The following MYO1B variants were observed in gnomAD, a reference collection of about 807,000 sequenced individuals.
MYO1B encodes the protein unconventional myosin-Ib.
Under a neutral mutation model 159.7 loss-of-function variants are expected in MYO1B, and 72 were observed. That is an observed-to-expected ratio of 0.45 (90% confidence interval 0.37 to 0.55). The LOEUF is 0.55. Among genes scored for constraint, MYO1B ranks in the 20% least tolerant of loss-of-function variants. The pLI is 0.00. For synonymous variants in MYO1B, 468 were observed against 473.8 expected, an observed-to-expected ratio of 0.99 and a Z score of 0.16; for missense variants, 1,062 against 1,364.8, an observed-to-expected ratio of 0.78 and a Z score of 3.50.
rs764822931 is a variant in MYO1B, at chr2:191,387,275, C to A, written c.1606C>A (p.Arg536=). 6.2e-7 allele frequency: 1 copy of A among 1,614,152 alleles called. No homozygotes were observed. The highest frequency in any genetic ancestry group is 8.5e-7 in the Non-Finnish European group (1 of 1,180,030). ...FVDKNNDLLY[R]DLSQAMWKAS... is the part of the protein sequence containing the mutation. ...TGACAAAAACAATGACCTTCTCTATCGAGACCTGTCCCAAGCCATGTGGAA... is the reference window on the plus strand; with the variant it reads ...TGACAAAAACAATGACCTTCTCTATAGAGACCTGTCCCAAGCCATGTGGAA... Residue 536 remains arginine, a synonymous_variant, in exon 17 of 31, where the codon CGA becomes AGA. Transcript: ENST00000392318.
chr2:191,362,306 T>C lies in MYO1B; in HGVS notation c.700T>C (p.Tyr234His). 1 of 1,613,886 alleles carries C rather than the reference T, an allele frequency of 6.2e-7. No homozygotes were observed. The highest frequency in any genetic ancestry group is 8.5e-7 in the Non-Finnish European group (1 of 1,179,806). The stretch of plus-strand genomic sequence containing the variant: ...TGAGAGGGATTTCAGCAGGTATAAC[T>C]ACCTGAGTCTGGATTCGGCCAAAGT... The part of the protein sequence containing the change: ...KLERDFSRYN[Y>H]LSLDSAKVNG... The change falls in exon 9 of 31, where the codon TAC (tyrosine) becomes CAC (histidine). Residue 234 changes from tyrosine to histidine, a missense_variant. By Grantham distance (83) the Tyr-to-His change is moderately conservative. This residue lies in a region of MYO1B where 415 missense variants were observed against 544.0 expected (regional missense o/e 0.76). Transcript: ENST00000392318.
intron 3 of MYO1B, among the ~76,000 whole-genome samples, chr2:191,308,828 A>G (rs913302669): frequency 3.3e-5 from 5 of 152,160 alleles, no homozygotes; most frequent in African/African-American, 1.2e-4. Context: ...TTTATCAGCA[A>G]CATTTGACAA....
At chr2:191,369,832 G>A (rs1694247609) in intron 12 of MYO1B, among the ~76,000 whole-genome samples, 1 of 152,152 alleles carries the variant, frequency 6.6e-6, no homozygotes, top group Admixed American at 6.5e-5. Context: ...GCTTCTGACT[G>A]GTGAATAGTC....
rs895577698 is a variant in MYO1B at position 191,425,004 on chromosome 2, G to T, written c.*1044G>T. The stretch of plus-strand genomic sequence containing the variant: ...ATTTTAGTCATGGATCAAAATTTGT[G>T]TAACTTGCAGGGCTTTCTTTCTTTT... On this transcript the variant is annotated 3_prime_UTR_variant, in exon 31 of 31. Transcript: ENST00000392318. The T allele has an allele frequency of 6.6e-6, 1 of 152,494 alleles. No homozygotes were observed. Among genetic ancestry groups the T allele is most frequent in the African/African-American group, 2.4e-5 (1 of 41,410 alleles). The allele number at this position is 152,494 out of a possible 1,614,324, so 9.4% of individuals were successfully genotyped here.
intron 20 of MYO1B, 150 bp from the exon 21 acceptor site, chr2:191,396,279 T>C: frequency 1.5e-6 from 1 of 674,668 alleles, no homozygotes; most frequent in Non-Finnish European, 2.6e-6. Flanking sequence ...TTGGATTGTT[T>C]GATATTTTGG....
chr2:191,307,410 C>T (rs770756541), intron 3 of MYO1B, among the ~76,000 whole-genome samples: 3 of 152,134 alleles, frequency 2.0e-5, no homozygotes, highest in Non-Finnish European at 4.4e-5. Flanking sequence ...TGTGTTTTAG[C>T]CAGCTTCTTT....
At chr2:191,335,631 A>C (rs1432597940) in intron 4 of MYO1B, among the ~76,000 whole-genome samples, 1 of 152,206 alleles carries the variant, frequency 6.6e-6, no homozygotes, top group African/African-American at 2.4e-5. Context: ...GATTTAGTAA[A>C]TAAATGAAAG....
At position 191,418,578 on chromosome 2, in the gene MYO1B, C is replaced by T. The variant is rs182948412; in HGVS notation, c.3287+2336C>T. ...GATCTTGGCTCACCGCAACCTCCGC[C>T]TCCCGGGTTCAAGGGATTATTCTGC... On this transcript the variant is annotated intron_variant, in intron 30 of 30. Coordinates refer to ENST00000392318, the MANE Select transcript of MYO1B (RefSeq NM_001130158.3). Among the ~76,000 whole-genome samples, 25 of 150,438 alleles carry T rather than the reference C, an allele frequency of 1.7e-4. No homozygotes were observed. In the East Asian group the frequency reaches 4.9e-3, roughly 30 times the overall value.
chr2:191,351,820 G>T (rs1227945288), intron 7 of MYO1B, among the ~76,000 whole-genome samples: 1 of 152,180 alleles, frequency 6.6e-6, no homozygotes, highest in Non-Finnish European at 1.5e-5. Context: ...GGGAGCTGGA[G>T]GTTACAGTGA....
chr2:191,382,728 C>G (rs182106481), intron 14 of MYO1B, among the ~76,000 whole-genome samples: 1 of 152,262 alleles, frequency 6.6e-6, no homozygotes, highest in Non-Finnish European at 1.5e-5. Context: ...GTGTTAGAAC[C>G]AGTGGATAGA....
chr2:191,407,176 A>G (rs961857674), intron 24 of MYO1B, among the ~76,000 whole-genome samples: 2 of 152,246 alleles, frequency 1.3e-5, no homozygotes, highest in African/African-American at 2.4e-5. Context: ...ACTTAAAAAT[A>G]TGCATACAGA....
At chr2:191,272,993 A>G (rs1687545541) in intron 1 of MYO1B, among the ~76,000 whole-genome samples, 1 of 152,236 alleles carries the variant, frequency 6.6e-6, no homozygotes, top group Non-Finnish European at 1.5e-5. Flanking sequence ...CTTAGACAAT[A>G]AAGAGAACTA....
chr2:191,362,344 T>A lies in MYO1B; in HGVS notation c.738T>A (p.Asp246Glu). 2 of 1,613,888 alleles carry A rather than the reference T, an allele frequency of 1.2e-6. No homozygotes were observed. Among genetic ancestry groups the A allele is most frequent in the Non-Finnish European group, 1.7e-6 (2 of 1,179,814 alleles). Residue 246 changes from aspartate to glutamate, a missense_variant, in exon 9 of 31, where the codon GAT (aspartate) becomes GAA (glutamate). By Grantham distance (45) the Asp-to-Glu change is conservative. Transcript: ENST00000392318. ...SLDSAKVNGVDDAANFRTVRN... is the reference protein window; with the variant it reads ...SLDSAKVNGVEDAANFRTVRN... Reference sequence around the variant, plus strand: ...ATTCGGCCAAAGTGAATGGAGTGGATGATGCAGCAAATTTTAGAACCGTGC... The same window carrying A: ...ATTCGGCCAAAGTGAATGGAGTGGAAGATGCAGCAAATTTTAGAACCGTGC...
At position 191,359,315 on chromosome 2, in the gene MYO1B, T is replaced by TTTTC. The variant is rs1693510178; in HGVS notation, c.563-1313_563-1312insCTTT. Among the ~76,000 whole-genome samples the TTTTC allele has an allele frequency of 2.0e-5, 3 of 151,264 alleles. No homozygotes were observed. In the South Asian group the frequency reaches 6.3e-4, roughly 32 times the overall value. On this transcript the variant is annotated intron_variant, in intron 7 of 30. Coordinates refer to ENST00000392318, the MANE Select transcript of MYO1B (RefSeq NM_001130158.3). ...CTTGTACTTTTCAACCTTTGGGGTT[T>TTTTC]TTTTTTTTTTTCATGTTTTCTAAAT...
At chr2:191,370,173 T>C in intron 12 of MYO1B, 54 bp from the exon 13 acceptor site, 1 of 1,106,150 alleles carries the variant, frequency 9.0e-7, no homozygotes. Context: ...CTTGGATGCT[T>C]GTAGTGTTAT....
intron 1 of MYO1B, among the ~76,000 whole-genome samples, chr2:191,261,211 G>T (rs777694896): frequency 6.6e-6 from 1 of 152,092 alleles, no homozygotes; most frequent in Non-Finnish European, 1.5e-5. Context: ...CGTGTGCCCG[G>T]TGTACTTATT....
Position 191,383,454 on chromosome 2 carries a change from A to ATATGTG in MYO1B, c.1353+115_1353+116insGTGTAT. 2 of 22,502 alleles carry ATATGTG rather than the reference A, an allele frequency of 8.9e-5. 1 individual carries two copies. The highest frequency in any genetic ancestry group is 5.9e-3 in the South Asian group (2 of 338). 1.4% of individuals were successfully genotyped at this position (22,502 alleles called of 1,614,324 possible). On this transcript the variant is annotated intron_variant, in intron 15 of 30. Coordinates refer to ENST00000392318, the MANE Select transcript of MYO1B (RefSeq NM_001130158.3). ...TTAGTATTTTCACTGTTTTTTATATATATATATATATATATATATACACAC... is the reference window on the plus strand; with the variant it reads ...TTAGTATTTTCACTGTTTTTTATATATATGTGTATATATATATATATATATACACAC...
At chr2:191,354,250 C>A (rs983659004) in intron 7 of MYO1B, among the ~76,000 whole-genome samples, 1 of 134,546 alleles carries the variant, frequency 7.4e-6, no homozygotes, top group South Asian at 2.6e-4. Flanking sequence ...AGCAAGACTC[C>A]GTCTTAAATA....
At chr2:191,400,954 C>G (rs913829660) in intron 23 of MYO1B, 119 bp downstream of exon 23, 37 of 931,958 alleles carry the variant, frequency 4.0e-5, no homozygotes, top group Non-Finnish European at 5.8e-5. Flanking sequence ...GGTGCATGTC[C>G]TAGCCGCCAG....
Sources: gnomAD v4.1 joint callset for allele counts (sites outside exome capture counted in the v4.1 genomes callset) on GRCh38, gnomAD v4.1.1 for gene constraint, gnomAD v4.1.1 regional missense constraint, MANE v1.5 for transcripts, NCBI Gene and HGNC (gene_info 2026-07-23, HGNC 2026-07-21) for gene names.